POU6F2: variants seen among roughly 807,000 people sequenced by gnomAD.
POU6F2 encodes the protein POU class 6 homeobox 2, also known as POU domain, class 6, transcription factor 2.
POU6F2 carries 31 observed loss-of-function variants against 71.3 expected under a neutral mutation model. The observed-to-expected ratio is 0.43, with a 90% CI of 0.33 to 0.59. The LOEUF is 0.59. POU6F2 is among the 20% of genes least tolerant of loss of function. POU6F2 has a pLI of 0.04. For synonymous variants in POU6F2, 347 were observed against 355.7 expected (o/e 0.98, Z 0.27); for missense variants, 783 against 856.8 (o/e 0.91, Z 1.07).
chr7:39,084,376 T>A (rs929160732), intron 1 of POU6F2, among the ~76,000 whole-genome samples: 4 of 152,186 alleles, frequency 2.6e-5, no homozygotes, highest in African/African-American at 9.7e-5. Flanking sequence ...TTGATGACTG[T>A]GAGATTCAAT....
At chr7:39,354,363 T>C (rs1583546217) in intron 5 of POU6F2, among the ~76,000 whole-genome samples, 1 of 152,340 alleles carries the variant, frequency 6.6e-6, no homozygotes, top group Non-Finnish European at 1.5e-5. Context: ...ACAAAACCTT[T>C]AGCTCTGAGC....
intron 1 of POU6F2, among the ~76,000 whole-genome samples, chr7:39,059,270 T>C (rs1191941076): frequency 1.3e-5 from 2 of 152,040 alleles, no homozygotes; most frequent in Non-Finnish European, 2.9e-5. Flanking sequence ...AGGAAAGTAA[T>C]GTTGAGATCT....
chr7:39,020,228 T>C (rs75771525), intron 1 of POU6F2, among the ~76,000 whole-genome samples: 37 of 152,272 alleles, frequency 2.4e-4, no homozygotes, highest in Non-Finnish European at 2.2e-4. Flanking sequence ...CCTGATAAAA[T>C]AATGTCATCT....
intron 1 of POU6F2, among the ~76,000 whole-genome samples, chr7:39,080,473 C>A (rs1172129404): frequency 6.6e-6 from 1 of 152,172 alleles, no homozygotes; most frequent in Non-Finnish European, 1.5e-5. Flanking sequence ...TTGTTTCTAT[C>A]CTTTCTCCCA....
intron 4 of POU6F2, among the ~76,000 whole-genome samples, chr7:39,314,792 A>G (rs1362067744): frequency 6.6e-6 from 1 of 152,252 alleles, no homozygotes; most frequent in East Asian, 1.9e-4. Flanking sequence ...AAAGCGCTGA[A>G]TAAAAAAAGA....
At chr7:39,208,426 A>G (rs1314378502) in intron 4 of POU6F2, among the ~76,000 whole-genome samples, 2 of 152,224 alleles carry the variant, frequency 1.3e-5, no homozygotes, top group East Asian at 1.9e-4. Flanking sequence ...TCATATATAT[A>G]TAAAATTAAC....
At chr7:39,452,978 G>C (rs942666547) in intron 8 of POU6F2, among the ~76,000 whole-genome samples, 3 of 152,174 alleles carry the variant, frequency 2.0e-5, no homozygotes, top group Non-Finnish European at 4.4e-5. Flanking sequence ...TGTAATCCCA[G>C]CTACTCAGGG....
intron 1 of POU6F2, chr7:39,001,997 G>T (rs1017510341): frequency 6.6e-6 from 1 of 152,144 alleles, no homozygotes. Context: ...AGCCACAATG[G>T]GGTTTAAAAC....
At chr7:39,090,596 G>A (rs1257523300) in intron 2 of POU6F2, among the ~76,000 whole-genome samples, 1 of 152,124 alleles carries the variant, frequency 6.6e-6, no homozygotes, top group Non-Finnish European at 1.5e-5. Flanking sequence ...CCAGTAATCA[G>A]TACCAAGAGC....
chr7:39,290,400 T>G (rs1031108857), intron 4 of POU6F2, among the ~76,000 whole-genome samples: 28 of 152,218 alleles, frequency 1.8e-4, no homozygotes, highest in African/African-American at 6.5e-4. Flanking sequence ...AGCCACTCCC[T>G]GTACAGAATC....
At chr7:39,127,836 AT>A (rs70977460) in intron 2 of POU6F2, among the ~76,000 whole-genome samples, 2,449 of 104,152 alleles carry the variant, frequency 0.024, 21 homozygotes, top group African/African-American at 0.049. Flanking sequence ...AGCCAGTGGA[AT>A]TTTTTTTTTT....
intron 2 of POU6F2, among the ~76,000 whole-genome samples, chr7:39,172,288 T>C (rs1793231109): frequency 1.3e-5 from 2 of 152,210 alleles, no homozygotes; most frequent in South Asian, 2.1e-4. Flanking sequence ...TCCAGCTCAC[T>C]TATATCCCAT....
intron 1 of POU6F2, chr7:39,005,052 C>T (rs1476862157): frequency 1.3e-5 from 2 of 152,268 alleles, no homozygotes; most frequent in Non-Finnish European, 2.9e-5. Context: ...TAAGGTAATT[C>T]TGTCACTCAC....
intron 5 of POU6F2, among the ~76,000 whole-genome samples, chr7:39,343,227 T>A (rs1785956955): frequency 6.6e-6 from 1 of 152,224 alleles, no homozygotes. Context: ...ACAAACAAGA[T>A]GCACTGTGAG....
At chr7:39,372,242 A>G (rs1049930630) in intron 5 of POU6F2, among the ~76,000 whole-genome samples, 2 of 152,212 alleles carry the variant, frequency 1.3e-5, no homozygotes, top group Non-Finnish European at 2.9e-5. Flanking sequence ...TTATGTACTT[A>G]TATAAAGAGA....
chr7:39,156,489 C>T (rs1792872395), intron 2 of POU6F2, among the ~76,000 whole-genome samples: 1 of 152,020 alleles, frequency 6.6e-6, no homozygotes, highest in African/African-American at 2.4e-5. Flanking sequence ...AACTATACAG[C>T]ATGAAATGAA....
intron 1 of POU6F2, among the ~76,000 whole-genome samples, chr7:39,080,305 A>G (rs904760179): frequency 3.3e-5 from 5 of 152,188 alleles, no homozygotes; most frequent in African/African-American, 1.2e-4. Context: ...GACTAAGGTA[A>G]TGATATTCAT....
intron 4 of POU6F2, among the ~76,000 whole-genome samples, chr7:39,245,416 T>G (rs2128751937): frequency 6.6e-6 from 1 of 152,304 alleles, no homozygotes; most frequent in Non-Finnish European, 1.5e-5. Flanking sequence ...TGTTTATTAT[T>G]TAGACCCACT....
chr7:39,033,896 T>C (rs1026769834), intron 1 of POU6F2, among the ~76,000 whole-genome samples: 3 of 152,238 alleles, frequency 2.0e-5, no homozygotes, highest in Admixed American at 1.3e-4. Context: ...TGGTGCTTTT[T>C]CTTACTCTTT....
Sources: gnomAD v4.1 joint callset for allele counts (sites outside exome capture counted in the v4.1 genomes callset) on GRCh38, gnomAD v4.1.1 for gene constraint, MANE v1.5 for transcripts, NCBI Gene and HGNC (gene_info 2026-07-23, HGNC 2026-07-21) for gene names.